OPCML: variants seen among roughly 807,000 people sequenced by gnomAD.
The protein encoded by OPCML is opioid binding protein/cell adhesion molecule like.
OPCML carries 13 observed loss-of-function variants against 37.8 expected under a neutral mutation model. The ratio of observed to expected loss-of-function variants is 0.34; its 90% CI spans 0.22 to 0.55. OPCML has a LOEUF of 0.55. OPCML is among the 20% of genes least tolerant of loss of function. The pLI is 0.91. For synonymous variants in OPCML, 176 were observed against 168.8 expected (o/e 1.04, Z -0.33); for missense variants, 341 against 435.6 (o/e 0.78, Z 1.93).
chr11:132,786,293 G>C (rs1947209620), intron 2 of OPCML, among the ~76,000 whole-genome samples: 2 of 152,178 alleles, frequency 1.3e-5, no homozygotes, highest in Admixed American at 6.5e-5. Context: ...TAGTTAAAGT[G>C]CTAACCAAAA....
chr11:132,500,111 C>T (rs1037863384), intron 4 of OPCML, among the ~76,000 whole-genome samples: 20 of 152,232 alleles, frequency 1.3e-4, no homozygotes, highest in African/African-American at 3.4e-4. Context: ...GTGAAAACTA[C>T]GTGACTCTTT....
At chr11:133,091,338 C>G (rs1948902746) in intron 1 of OPCML, among the ~76,000 whole-genome samples, 1 of 152,242 alleles carries the variant, frequency 6.6e-6, no homozygotes, top group Non-Finnish European at 1.5e-5. Flanking sequence ...AGCATCCTCA[C>G]TAGAGCCACG....
rs193250528 is a variant in OPCML, at chr11:133,449,652, T to A, written c.61+82612A>T. Among the ~76,000 whole-genome samples the A allele has an allele frequency of 2.5e-3, 369 of 148,630 alleles. 11 individuals carry two copies. The highest frequency in any genetic ancestry group is 9.2e-3 in the African/African-American group (349 of 38,086). On this transcript the variant is annotated intron_variant, in intron 1 of 7. Transcript: ENST00000524381. ...TGTAGCGGCATCACTCCAGTCTCTATCTTCATCTTCACATGGCTTCCTCTC... is the reference window on the plus strand; with the variant it reads ...TGTAGCGGCATCACTCCAGTCTCTAACTTCATCTTCACATGGCTTCCTCTC...
At chr11:132,480,910 A>C (rs2096177751) in intron 4 of OPCML, among the ~76,000 whole-genome samples, 1 of 152,140 alleles carries the variant, frequency 6.6e-6, no homozygotes, top group Non-Finnish European at 1.5e-5. Flanking sequence ...AGCCACTGCA[A>C]AATCATGCCA....
chr11:133,422,395 G>GATATATATATATATATATATATA (rs1945909901), intron 1 of OPCML: 1 of 788,800 alleles, frequency 1.3e-6, no homozygotes, highest in African/African-American at 3.1e-5. Flanking sequence ...ATATATATAT[G>GATATATATATATATATATATATA]TATATATGCG....
rs914945975 is a variant in OPCML at position 133,031,476 on chromosome 11, T to C, written c.62-88466A>G. Among the ~76,000 whole-genome samples the C allele has an allele frequency of 1.3e-3, 194 of 147,432 alleles. 2 individuals are homozygous for C. Among genetic ancestry groups the C allele is most frequent in the African/African-American group, 4.7e-3 (186 of 39,608 alleles). On this transcript the variant is annotated intron_variant, in intron 1 of 7. Coordinates refer to ENST00000524381, the MANE Select transcript of OPCML (RefSeq NM_001012393.5). ...ATGGATGGATGGTTGGTTGGATGGGTAGGTGAATGGATGGATGGATGGTTG... is the reference window on the plus strand; with the variant it reads ...ATGGATGGATGGTTGGTTGGATGGGCAGGTGAATGGATGGATGGATGGTTG...
intron 7 of OPCML, among the ~76,000 whole-genome samples, chr11:132,421,698 G>T (rs746794135): frequency 2.6e-5 from 4 of 152,042 alleles, no homozygotes; most frequent in Admixed American, 2.0e-4. Flanking sequence ...CTGCATTTTT[G>T]TCAGAGAATA....
rs1333774474 is a variant in OPCML, at chr11:133,518,273, GGA to G, written c.61+13989_61+13990del. On this transcript the variant is annotated intron_variant, in intron 1 of 7. Coordinates refer to ENST00000524381, the MANE Select transcript of OPCML (RefSeq NM_001012393.5). Reference sequence around the variant, plus strand: ...TGGGTGGTGTGCAGGCATGGTGTGTGGATATAAGCAAAGTATGTATGTGTGTA... The same window carrying G: ...TGGGTGGTGTGCAGGCATGGTGTGTGTATAAGCAAAGTATGTATGTGTGTA... 2.1e-3 allele frequency among the ~76,000 whole-genome samples: 316 copies of G among 151,760 alleles called. 3 individuals carry two copies. The highest frequency in any genetic ancestry group is 7.2e-3 in the African/African-American group (298 of 41,398).
intron 1 of OPCML, among the ~76,000 whole-genome samples, chr11:133,518,876 C>T (rs892067221): frequency 1.3e-5 from 2 of 151,726 alleles, no homozygotes; most frequent in African/African-American, 4.9e-5. Context: ...CCTGTGCCCG[C>T]CCCCTAGGGT....
At chr11:132,981,692 G>C (rs951971990) in intron 1 of OPCML, among the ~76,000 whole-genome samples, 1 of 152,174 alleles carries the variant, frequency 6.6e-6, no homozygotes, top group East Asian at 1.9e-4. Context: ...TGGCTCACAT[G>C]GTGATCTTAG....
intron 1 of OPCML, among the ~76,000 whole-genome samples, chr11:133,224,204 G>C (rs1939947317): frequency 6.6e-6 from 1 of 152,196 alleles, no homozygotes; most frequent in Admixed American, 6.5e-5. Flanking sequence ...GCCGGTGGTG[G>C]TTTCTGGTCT....
chr11:133,406,721 A>G (rs1366250687), intron 1 of OPCML, among the ~76,000 whole-genome samples: 1 of 152,148 alleles, frequency 6.6e-6, no homozygotes, highest in Non-Finnish European at 1.5e-5. Context: ...GACTGGGGGT[A>G]ATTTGGGTGC....
chr11:132,848,531 A>G (rs577876953), intron 2 of OPCML, among the ~76,000 whole-genome samples: 34 of 152,202 alleles, frequency 2.2e-4, no homozygotes, highest in Non-Finnish European at 4.6e-4. Flanking sequence ...TCTGACCACA[A>G]CATCTCCAGG....
At chr11:133,301,483 A>G (rs1218734997) in intron 1 of OPCML, 3 of 152,234 alleles carry the variant, frequency 2.0e-5, no homozygotes, top group Non-Finnish European at 4.4e-5. Context: ...TCCAAAATGA[A>G]TACAGGTCTC....
At chr11:133,518,490 TAA>T (rs1181988836) in intron 1 of OPCML, among the ~76,000 whole-genome samples, 3 of 151,940 alleles carry the variant, frequency 2.0e-5, no homozygotes, top group Non-Finnish European at 4.4e-5. Flanking sequence ...TGTTTGTGTA[TAA>T]GTGTGTGCGG....
At chr11:133,146,755 C>T (rs181536470) in intron 1 of OPCML, among the ~76,000 whole-genome samples, 36 of 152,340 alleles carry the variant, frequency 2.4e-4, no homozygotes, top group Admixed American at 1.8e-3. Context: ...ACCACCACGC[C>T]GGGACCTCTA....
chr11:132,741,725 G>T (rs111708352), intron 2 of OPCML, among the ~76,000 whole-genome samples: 1 of 151,992 alleles, frequency 6.6e-6, no homozygotes, highest in Non-Finnish European at 1.5e-5. Flanking sequence ...AATCATATTA[G>T]GATAATTAAA....
rs948326792 is a variant in OPCML at position 133,349,899 on chromosome 11, C to G, written c.61+182365G>C. 3.9e-5 allele frequency among the ~76,000 whole-genome samples: 6 copies of G among 152,128 alleles called. No individual in the cohort carries two copies. The East Asian group carries it at 1.2e-3, about 29-fold the overall frequency. On this transcript the variant is annotated intron_variant, in intron 1 of 7. Coordinates refer to ENST00000524381, the MANE Select transcript of OPCML (RefSeq NM_001012393.5). Reference sequence around the variant, plus strand: ...ATGAAATTCCATTTCTTCCCTGTACCCTGGCCTCCTTTTAAAAATCAACTT... The same window carrying G: ...ATGAAATTCCATTTCTTCCCTGTACGCTGGCCTCCTTTTAAAAATCAACTT...
At chr11:132,603,068 C>T (rs2137791158) in intron 3 of OPCML, among the ~76,000 whole-genome samples, 1 of 152,276 alleles carries the variant, frequency 6.6e-6, no homozygotes, top group East Asian at 1.9e-4. Context: ...TAGTCTTTTT[C>T]TGAGAGCTTC....
Sources: gnomAD v4.1 joint callset for allele counts (sites outside exome capture counted in the v4.1 genomes callset) on GRCh38, gnomAD v4.1.1 for gene constraint, MANE v1.5 for transcripts, NCBI Gene and HGNC (gene_info 2026-07-23, HGNC 2026-07-21) for gene names.